The following ANKS1B variants were observed in gnomAD, a reference collection of about 807,000 sequenced individuals.
ANKS1B encodes ankyrin repeat and sterile alpha motif domain-containing protein 1B.
Under a neutral mutation model 148.3 loss-of-function variants are expected in ANKS1B, and 36 were observed. The observed-to-expected ratio is 0.24, with a 90% confidence interval of 0.19 to 0.32. The LOEUF is 0.32. Among genes scored for constraint, ANKS1B ranks in the 10% least tolerant of loss-of-function variants. The probability of loss-of-function intolerance (pLI) is 1.00; values close to 1 mark genes in which losing one functional copy is unlikely to be tolerated. For missense variants in ANKS1B, 1,157 were observed against 1,542.6 expected, an observed-to-expected ratio of 0.75 and a Z score of 4.19; for synonymous variants, 542 against 560.8, an observed-to-expected ratio of 0.97 and a Z score of 0.47.
intron 17 of ANKS1B, among the ~76,000 whole-genome samples, chr12:98,932,298 T>C (rs1204389422): frequency 6.6e-6 from 1 of 152,196 alleles, no homozygotes; most frequent in African/African-American, 2.4e-5. Context: ...TAAGAAGAGA[T>C]GTTTTCCTTC....
intron 8 of ANKS1B, among the ~76,000 whole-genome samples, chr12:99,710,943 T>C (rs920189062): frequency 2.0e-4 from 30 of 152,090 alleles, no homozygotes; most frequent in African/African-American, 7.2e-4. Context: ...ATTCCTTTTT[T>C]TAAATAATCT....
At chr12:99,206,306 C>T (rs979961429) in intron 14 of ANKS1B, among the ~76,000 whole-genome samples, 4 of 152,230 alleles carry the variant, frequency 2.6e-5, no homozygotes, top group Admixed American at 1.3e-4. Context: ...GCCCCGGAAG[C>T]TTCAAATACT....
intron 15 of ANKS1B, among the ~76,000 whole-genome samples, chr12:99,143,531 A>G (rs544688682): frequency 7.6e-4 from 116 of 152,170 alleles, no homozygotes; most frequent in African/African-American, 2.7e-3. Context: ...ATAAAAATCT[A>G]TAGCCTTTTA....
chr12:99,652,779 A>G (rs2098429373), intron 9 of ANKS1B, among the ~76,000 whole-genome samples: 1 of 152,198 alleles, frequency 6.6e-6, no homozygotes, highest in African/African-American at 2.4e-5. Context: ...AAGCCTTCAG[A>G]AGTAAAACCA....
chr12:99,449,367 A>C (rs888905963), intron 10 of ANKS1B, among the ~76,000 whole-genome samples: 2 of 152,108 alleles, frequency 1.3e-5, no homozygotes, highest in Non-Finnish European at 2.9e-5. Context: ...TTTAAATATA[A>C]CTAACTCTTA....
At chr12:99,034,378 C>T (rs2099954216) in intron 17 of ANKS1B, among the ~76,000 whole-genome samples, 1 of 152,096 alleles carries the variant, frequency 6.6e-6, no homozygotes, top group Non-Finnish European at 1.5e-5. Flanking sequence ...TGCAATGGCA[C>T]AATCACTGCT....
chr12:99,589,450 T>C (rs924721772), intron 9 of ANKS1B, among the ~76,000 whole-genome samples: 18 of 152,226 alleles, frequency 1.2e-4, no homozygotes, highest in African/African-American at 3.9e-4. Context: ...ATCTCCTTAA[T>C]CGTCTCTACT....
In ANKS1B at chr12:99,694,560, GATAA is replaced by G. The variant is rs1263550565; in HGVS notation, c.1129-39354_1129-39351del. 1.3e-4 allele frequency among the ~76,000 whole-genome samples: 20 copies of G among 151,688 alleles called. No homozygotes were observed. In the East Asian group the frequency reaches 3.9e-3, roughly 29 times the overall value. Reference sequence around the variant, plus strand: ...TGACATTAAACATGATACTGTAAAAGATAAATAAAACCTCAGCTGACCAAAGCAT... The same window carrying G: ...TGACATTAAACATGATACTGTAAAAGATAAAACCTCAGCTGACCAAAGCAT... On this transcript the variant is annotated intron_variant, in intron 8 of 26. Transcript: ENST00000683438.
chr12:99,296,186 GATCT>G (rs2080848631), intron 12 of ANKS1B, among the ~76,000 whole-genome samples: 1 of 151,976 alleles, frequency 6.6e-6, no homozygotes, highest in African/African-American at 2.4e-5. Context: ...TTGTTTCATT[GATCT>G]ATTTATTTTT....
chr12:98,880,290 C>G (rs2099703614), intron 17 of ANKS1B, among the ~76,000 whole-genome samples: 1 of 152,080 alleles, frequency 6.6e-6, no homozygotes, highest in African/African-American at 2.4e-5. Flanking sequence ...AATAATTTAG[C>G]AACAACAAAA....
At chr12:99,722,908 C>G (rs893527898) in intron 8 of ANKS1B, among the ~76,000 whole-genome samples, 9 of 152,132 alleles carry the variant, frequency 5.9e-5, no homozygotes, top group African/African-American at 1.7e-4. Flanking sequence ...GGGGGCCCAC[C>G]TGAGAGCCAC....
chr12:98,815,266 T>C, intron 19 of ANKS1B, among the ~76,000 whole-genome samples: 1 of 152,212 alleles, frequency 6.6e-6, no homozygotes, highest in Non-Finnish European at 1.5e-5. Flanking sequence ...CCCTGAGAAA[T>C]GTCTAGATGG....
intron 9 of ANKS1B, among the ~76,000 whole-genome samples, chr12:99,636,914 T>G (rs1462376684): frequency 2.0e-5 from 3 of 152,176 alleles, no homozygotes; most frequent in Admixed American, 6.5e-5. Flanking sequence ...GTAAAAATAA[T>G]TTGATTCACA....
chr12:99,762,673 T>G (rs1304422874), intron 8 of ANKS1B, among the ~76,000 whole-genome samples: 1 of 151,568 alleles, frequency 6.6e-6, no homozygotes, highest in African/African-American at 2.4e-5. Flanking sequence ...AAACAAAAAT[T>G]GACTTAAAAC....
intron 8 of ANKS1B, among the ~76,000 whole-genome samples, chr12:99,741,515 G>T (rs1487971300): frequency 6.6e-6 from 1 of 152,066 alleles, no homozygotes; most frequent in South Asian, 2.1e-4. Context: ...TCAATGATAG[G>T]CTGGATAAAG....
chr12:99,246,125 C>A, intron 13 of ANKS1B, 150 bp downstream of exon 13: 1 of 575,668 alleles, frequency 1.7e-6, no homozygotes, highest in South Asian at 2.9e-5. Flanking sequence ...AATTACCATG[C>A]ATTACCCACA....
intron 12 of ANKS1B, among the ~76,000 whole-genome samples, chr12:99,390,373 A>G (rs993946752): frequency 6.6e-6 from 1 of 152,186 alleles, no homozygotes; most frequent in Non-Finnish European, 1.5e-5. Context: ...CAATAGACTT[A>G]AAAATCAGAG....
At chr12:99,042,312 C>G (rs2099959568) in intron 17 of ANKS1B, among the ~76,000 whole-genome samples, 1 of 152,114 alleles carries the variant, frequency 6.6e-6, no homozygotes. Context: ...TTGTTTCTTT[C>G]TTTGTTATGA....
At chr12:99,222,762 C>T (rs2085322781) in intron 14 of ANKS1B, among the ~76,000 whole-genome samples, 1 of 152,172 alleles carries the variant, frequency 6.6e-6, no homozygotes, top group African/African-American at 2.4e-5. Flanking sequence ...TCTTCCCAAA[C>T]AGAACAGAGG....
Sources: gnomAD v4.1 joint callset for allele counts (sites outside exome capture counted in the v4.1 genomes callset) on GRCh38, gnomAD v4.1.1 for gene constraint, MANE v1.5 for transcripts, NCBI Gene and HGNC (gene_info 2026-07-23, HGNC 2026-07-21) for gene names.